CCDC149: variants seen among roughly 807,000 people sequenced by gnomAD.
The protein encoded by CCDC149 is coiled-coil domain-containing protein 149.
Under a neutral mutation model 59.9 loss-of-function variants are expected in CCDC149, and 45 were observed. The observed-to-expected ratio is 0.75, with a 90% confidence interval of 0.59 to 0.96. CCDC149 has a LOEUF of 0.96. CCDC149 is among the 40% of genes least tolerant of loss of function. The probability of loss-of-function intolerance (pLI) is 0.00; values close to 1 mark genes in which losing one functional copy is unlikely to be tolerated. For synonymous variants in CCDC149, 245 were observed against 260.6 expected, an observed-to-expected ratio of 0.94 and a Z score of 0.58; for missense variants, 584 against 664.7, an observed-to-expected ratio of 0.88 and a Z score of 1.33.
At chr4:24,968,799 T>C (rs866919989) in intron 1 of CCDC149, among the ~76,000 whole-genome samples, 8 of 152,380 alleles carry the variant, frequency 5.3e-5, no homozygotes, top group Middle Eastern at 3.4e-3. Flanking sequence ...GGGTTGTCTA[T>C]TGGGGCTTAA....
chr4:24,943,225 T>TCAGAAATAATGCCGCATATCTA (rs1723002252), intron 1 of CCDC149, among the ~76,000 whole-genome samples: 3 of 152,120 alleles, frequency 2.0e-5, no homozygotes, highest in Non-Finnish European at 2.9e-5. Flanking sequence ...AACAGAGCCC[T>TCAGAAATAATGCCGCATATCTA]CAGAAATAAT....
At chr4:24,821,031 A>T in intron 11 of CCDC149, 24 bp downstream of exon 11, 1 of 1,221,968 alleles carries the variant, frequency 8.2e-7, no homozygotes. Flanking sequence ...AGCCACAAAA[A>T]CGGATATTTT....
At chr4:24,959,504 T>A (rs1049105204) in intron 1 of CCDC149, among the ~76,000 whole-genome samples, 5 of 151,332 alleles carry the variant, frequency 3.3e-5, no homozygotes, top group Admixed American at 6.6e-5. Context: ...AAAAAAAAAA[T>A]TTGAATAAAC....
intron 12 of CCDC149, among the ~76,000 whole-genome samples, chr4:24,817,114 C>G (rs1015028913): frequency 6.6e-6 from 1 of 152,178 alleles, no homozygotes; most frequent in African/African-American, 2.4e-5. Flanking sequence ...AATCAGTCCA[C>G]GACTTACAAC....
chr4:24,830,691 T>C (rs1027498075), intron 9 of CCDC149: 4 of 152,202 alleles, frequency 2.6e-5, no homozygotes, highest in Admixed American at 6.5e-5. Flanking sequence ...GGTGTACGTC[T>C]GTCTTGCAAG....
intron 8 of CCDC149, among the ~76,000 whole-genome samples, chr4:24,834,679 CGTCA>C (rs1163439847): frequency 1.3e-5 from 2 of 152,172 alleles, no homozygotes; most frequent in African/African-American, 4.8e-5. Flanking sequence ...CCTAATCCAG[CGTCA>C]GTATCACCTG....
At chr4:24,853,022 G>A (rs771744860) in intron 4 of CCDC149, 50 bp downstream of exon 4, 11 of 1,175,364 alleles carry the variant, frequency 9.4e-6, no homozygotes, top group African/African-American at 3.1e-5. Context: ...TATAAACCTC[G>A]AACGCACAAT....
chr4:24,870,754 T>A (rs1468700317), intron 3 of CCDC149, among the ~76,000 whole-genome samples: 6 of 152,126 alleles, frequency 3.9e-5, no homozygotes, highest in Admixed American at 2.6e-4. Flanking sequence ...GCAGCAAAGG[T>A]GCTGCTTATA....
chr4:24,870,905 C>T (rs1718998424), intron 3 of CCDC149, among the ~76,000 whole-genome samples: 1 of 151,968 alleles, frequency 6.6e-6, no homozygotes, highest in South Asian at 2.1e-4. Flanking sequence ...ATTAGCCGGG[C>T]ATGGTGGCGG....
rs1258222108 is a variant in CCDC149, at chr4:24,807,631, C to T, written c.*758G>A. On this transcript the variant is annotated 3_prime_UTR_variant, in exon 13 of 13. Coordinates refer to ENST00000635206, the MANE Select transcript of CCDC149 (RefSeq NM_001330643.2). ...CATCTCACAAAAAAAACCAGACCAC[C>T]ACTGGGAGTCCTGTTCCCCGGCTTT... is the stretch of plus-strand genomic sequence containing the variant. 6.6e-6 allele frequency: 1 copy of T among 152,260 alleles called. No individual in the cohort carries two copies. Among genetic ancestry groups the T allele is most frequent in the Non-Finnish European group, 1.5e-5 (1 of 68,096 alleles). 9.4% of individuals were successfully genotyped at this position (152,260 alleles called of 1,614,324 possible).
chr4:24,903,945 C>A lies in CCDC149; in HGVS notation c.63+8872G>T, dbSNP rs1423569534. 3.9e-5 allele frequency among the ~76,000 whole-genome samples: 6 copies of A among 152,006 alleles called. No individual in the cohort carries two copies. The South Asian group carries it at 1.2e-3, about 32-fold the overall frequency. On this transcript the variant is annotated intron_variant, in intron 1 of 12. Transcript: ENST00000635206. ...TCTCCTGGGTAACTGGGATTACAGG[C>A]GTGTGCCTCTATGCCCAGCTGATTT...
chr4:24,952,611 A>G (rs1329661117), intron 1 of CCDC149, among the ~76,000 whole-genome samples: 20 of 36,436 alleles, frequency 5.5e-4, no homozygotes, highest in African/African-American at 2.0e-3. Context: ...AAAAAAAAAA[A>G]AAAAAAAAAA....
At chr4:24,894,871 T>G in intron 1 of CCDC149, 3 of 1,302,670 alleles carry the variant, frequency 2.3e-6, no homozygotes, top group Non-Finnish European at 3.2e-6. Flanking sequence ...CTGCAGCCTG[T>G]GCTAGAACCA....
At chr4:24,941,626 T>A (rs1357755772) in intron 1 of CCDC149, among the ~76,000 whole-genome samples, 3 of 151,910 alleles carry the variant, frequency 2.0e-5, no homozygotes, top group African/African-American at 7.3e-5. Flanking sequence ...TTTGAAAAGA[T>A]CAACAAAATT....
At chr4:24,853,984 T>G (rs1004955343) in intron 3 of CCDC149, among the ~76,000 whole-genome samples, 3 of 152,152 alleles carry the variant, frequency 2.0e-5, no homozygotes, top group Non-Finnish European at 4.4e-5. Flanking sequence ...TTCCTTAAGA[T>G]TTGCCTCCTG....
intron 1 of CCDC149, among the ~76,000 whole-genome samples, chr4:24,932,606 C>A (rs1722628160): frequency 6.6e-6 from 1 of 152,126 alleles, no homozygotes; most frequent in Non-Finnish European, 1.5e-5. Flanking sequence ...AAATCCAGAT[C>A]CCCAGAGACG....
chr4:24,930,899 G>C (rs1356993011), intron 1 of CCDC149, among the ~76,000 whole-genome samples: 1 of 151,998 alleles, frequency 6.6e-6, no homozygotes, highest in Non-Finnish European at 1.5e-5. Flanking sequence ...GAGAAGGGAG[G>C]GACCCTCTGG....
At position 24,876,554 on chromosome 4, in the gene CCDC149, CT is replaced by C; in HGVS notation, c.206del (p.Lys69ArgfsTer6). Reference sequence around the variant, plus strand: ...CACTTACAATCAGCTCTCGGTACTTCTTCTTCAGTGACTGGTGGCGCTCCCG... The same window carrying C: ...CACTTACAATCAGCTCTCGGTACTTCTCTTCAGTGACTGGTGGCGCTCCCG... On this transcript the variant is annotated frameshift_variant, in exon 2 of 13. Transcript: ENST00000635206. LOFTEE classifies it high-confidence loss of function. 1 of 1,614,062 alleles carries C rather than the reference CT, an allele frequency of 6.2e-7. No homozygotes were observed. The highest frequency in any genetic ancestry group is 1.1e-5 in the South Asian group (1 of 91,056).
intron 2 of CCDC149, 83 bp downstream of exon 2, chr4:24,876,453 C>G: frequency 6.9e-7 from 1 of 1,441,404 alleles, no homozygotes. Context: ...TTAACCATTT[C>G]TAAAGAAACA....
Sources: allele counts gnomAD v4.1 joint callset (sites outside exome capture counted in the v4.1 genomes callset), GRCh38; gene constraint gnomAD v4.1.1; transcripts MANE v1.5; gene names NCBI Gene and HGNC (gene_info 2026-07-23, HGNC 2026-07-21).